Variants in SRGAP3 observed in about 807,000 individuals in gnomAD.
The protein encoded by SRGAP3 is SLIT-ROBO Rho GTPase activating protein 3.
A neutral mutation model predicts 121.1 loss-of-function variants in SRGAP3; 39 were observed. The observed-to-expected ratio is 0.32, with a 90% confidence interval of 0.25 to 0.42. The LOEUF is 0.42. Ranked by LOEUF, SRGAP3 falls within the 10% of genes least tolerant of loss-of-function variation. The pLI, the probability that SRGAP3 is intolerant of heterozygous loss-of-function variation, is 1.00. For synonymous variants in SRGAP3, 601 were observed against 570.0 expected, an observed-to-expected ratio of 1.05 and a Z score of -0.77; for missense variants, 1,213 against 1,470.6, an observed-to-expected ratio of 0.82 and a Z score of 2.86.
intron 3 of SRGAP3, among the ~76,000 whole-genome samples, chr3:9,103,517 G>A (rs1416891169): frequency 6.6e-6 from 1 of 152,102 alleles, no homozygotes; most frequent in Non-Finnish European, 1.5e-5. Flanking sequence ...TAACAAGCCC[G>A]AAGATACACA....
chr3:9,079,588 GCA>G (rs1288775759), intron 4 of SRGAP3, among the ~76,000 whole-genome samples: 1 of 152,172 alleles, frequency 6.6e-6, no homozygotes, highest in African/African-American at 2.4e-5. Context: ...TTTTGCAGAT[GCA>G]CAGACTGAGA....
chr3:9,196,519 T>G (rs1951922285), intron 1 of SRGAP3, among the ~76,000 whole-genome samples: 1 of 152,258 alleles, frequency 6.6e-6, no homozygotes. Context: ...TTTTGCTTTT[T>G]CTTTGTTTTT....
chr3:8,993,966 C>G (rs998341168), intron 19 of SRGAP3: 6 of 270,686 alleles, frequency 2.2e-5, no homozygotes, highest in African/African-American at 1.3e-4. Flanking sequence ...TTCTGCCCAT[C>G]CCCTAAGAGA....
intron 3 of SRGAP3, among the ~76,000 whole-genome samples, chr3:9,298,913 G>T (rs28623287): frequency 0.43 from 65,044 of 151,478 alleles, 14,441 homozygotes; most frequent in Non-Finnish European, 0.49. Context: ...TTAGCCGGGC[G>T]TGGTGGTGGG....
chr3:9,187,522 G>C (rs1479218667), intron 1 of SRGAP3, among the ~76,000 whole-genome samples: 1 of 152,106 alleles, frequency 6.6e-6, no homozygotes. Flanking sequence ...AAATCGAGCA[G>C]TCTTACCCAG....
In SRGAP3 at chr3:9,053,117, G is replaced by C; in HGVS notation, c.1233C>G (p.Val411=). The change falls in exon 9 of 22, where the codon GTC becomes GTG. Residue 411 remains valine, a synonymous_variant. Transcript: ENST00000383836. ...TGTAGGTCTCAGAGGCAGCCGACTT[G>C]ACGGACTCTGTCGATCGACTGTGTT... The part of the protein sequence containing the change: ...AFQHSRSTES[V]KSAASETYMS... 6.2e-7 allele frequency: 1 copy of C among 1,614,182 alleles called. No homozygotes were observed. The highest frequency in any genetic ancestry group is 8.5e-7 in the Non-Finnish European group (1 of 1,180,044).
At chr3:9,042,254 T>G (rs895949849) in intron 10 of SRGAP3, among the ~76,000 whole-genome samples, 1 of 152,188 alleles carries the variant, frequency 6.6e-6, no homozygotes, top group Admixed American at 6.5e-5. Flanking sequence ...ATGTGTGTAC[T>G]AACTCTTCAA....
At chr3:9,163,331 G>C (rs1355906556) in intron 1 of SRGAP3, among the ~76,000 whole-genome samples, 3 of 152,194 alleles carry the variant, frequency 2.0e-5, no homozygotes, top group Non-Finnish European at 4.4e-5. Context: ...CTCCAGGGCG[G>C]TTCAACCAGC....
chr3:9,032,024 T>C (rs1944510982), intron 12 of SRGAP3, among the ~76,000 whole-genome samples: 2 of 152,236 alleles, frequency 1.3e-5, no homozygotes, highest in South Asian at 2.1e-4. Context: ...CTCGCCTAGC[T>C]AAACTACTTC....
At chr3:9,285,437 C>T (rs964853155) in intron 3 of SRGAP3, among the ~76,000 whole-genome samples, 4 of 152,156 alleles carry the variant, frequency 2.6e-5, no homozygotes, top group African/African-American at 4.8e-5. Context: ...CTCCAACCTA[C>T]CTGTGAGGAG....
chr3:9,128,404 C>T lies in SRGAP3; in HGVS notation c.68-3487G>A, dbSNP rs150386121. Among the ~76,000 whole-genome samples, 170 of 152,208 alleles carry T rather than the reference C, an allele frequency of 1.1e-3. 1 individual carries two copies. The highest frequency in any genetic ancestry group is 4.0e-3 in the African/African-American group (167 of 41,532). ...GTAGAGTTTTAAAAAAGATGATAATCTTAAAAAACTTTCAAGCATAAAATA... is the reference window on the plus strand; with the variant it reads ...GTAGAGTTTTAAAAAAGATGATAATTTTAAAAAACTTTCAAGCATAAAATA... On this transcript the variant is annotated intron_variant, in intron 1 of 21. Transcript: ENST00000383836.
intron 1 of SRGAP3, among the ~76,000 whole-genome samples, chr3:9,138,579 A>T (rs1404149506): frequency 6.6e-6 from 1 of 152,192 alleles, no homozygotes; most frequent in Non-Finnish European, 1.5e-5. Flanking sequence ...GTCTCTGCGG[A>T]CCACCTAAAA....
intron 3 of SRGAP3, among the ~76,000 whole-genome samples, chr3:9,272,641 CAA>C (rs1324030100): frequency 6.6e-6 from 1 of 152,102 alleles, no homozygotes; most frequent in South Asian, 2.1e-4. Context: ...AGTTTTAAAA[CAA>C]AATTTGATAC....
At position 8,981,013 on chromosome 3, in the gene SRGAP3, T is replaced by C; in HGVS notation, c.*4506A>G. ...TCTGGTTCAAGGAACAGCTTTGTTA[T>C]TGGCCGGGGACAACTCACACAGAAA... On this transcript the variant is annotated 3_prime_UTR_variant, in exon 22 of 22. Coordinates refer to ENST00000383836, the MANE Select transcript of SRGAP3 (RefSeq NM_014850.4). 1 of 233,292 alleles carries C rather than the reference T, an allele frequency of 4.3e-6. No individual in the cohort carries two copies. The highest frequency in any genetic ancestry group is 8.5e-6 in the Non-Finnish European group (1 of 117,858). The allele number at this position is 233,292 out of a possible 1,614,324, so 14.5% of individuals were successfully genotyped here. A position where few individuals can be genotyped will look rare whatever the true frequency, so the allele number is the denominator to read the frequency against.
intron 1 of SRGAP3, among the ~76,000 whole-genome samples, chr3:9,175,815 T>C (rs983417601): frequency 1.2e-4 from 18 of 152,212 alleles, no homozygotes; most frequent in Non-Finnish European, 5.9e-5. Context: ...AGGGCTCCGT[T>C]ATCAGCAAAG....
intron 15 of SRGAP3, chr3:9,014,310 G>A (rs539525658): frequency 4.8e-6 from 1 of 206,974 alleles, no homozygotes; most frequent in Admixed American, 5.1e-5. Context: ...GTTTAAGCTG[G>A]GTTTCTGTTA....
At chr3:9,280,972 G>C (rs372248288) in intron 3 of SRGAP3, among the ~76,000 whole-genome samples, 2 of 152,122 alleles carry the variant, frequency 1.3e-5, no homozygotes, top group Admixed American at 6.5e-5. Flanking sequence ...TGAATTGTTG[G>C]GGGTGGTGGG....
At chr3:9,089,288 TGGGCGGGGGGGGG>T (rs1029622111) in intron 3 of SRGAP3, among the ~76,000 whole-genome samples, 1 of 1,242 alleles carries the variant, frequency 8.1e-4, no homozygotes, top group African/African-American at 3.9e-3. Flanking sequence ...ATAAGTGGGG[TGGGCGGGGGGGGG>T]GGGGGGGCTG....
Position 9,010,402 on chromosome 3 carries a change from G to A in SRGAP3, c.2148-15C>T, listed in dbSNP as rs779547333. ...GTGGGCTGTCACTGCAAGGAAACAC[G>A]GGAATGGGACTCACTGCGGGGGGTT... On this transcript the variant is annotated splice_polypyrimidine_tract_variant and intron_variant, in intron 17 of 21. Transcript: ENST00000383836. 59 of 1,613,772 alleles carry A rather than the reference G, an allele frequency of 3.7e-5. No homozygotes were observed. Among genetic ancestry groups the A allele is most frequent in the Non-Finnish European group, 4.4e-5 (52 of 1,179,996 alleles).
Sources: allele counts gnomAD v4.1 joint callset (sites outside exome capture counted in the v4.1 genomes callset), GRCh38; gene constraint gnomAD v4.1.1; transcripts MANE v1.5; gene names NCBI Gene and HGNC (gene_info 2026-07-23, HGNC 2026-07-21).